Variants in CNTN5 observed in about 807,000 individuals in gnomAD.
CNTN5 encodes contactin-5.
CNTN5 carries 77 observed loss-of-function variants against 129.1 expected under a neutral mutation model. The ratio of observed to expected loss-of-function variants is 0.60; its 90% CI spans 0.50 to 0.72. The LOEUF (loss-of-function observed/expected upper bound fraction) is 0.72. CNTN5 is among the 30% of genes least tolerant of loss of function. The pLI is 0.00. For missense variants in CNTN5, 1,478 were observed against 1,328.8 expected (o/e 1.11, Z -1.75); for synonymous variants, 509 against 465.6 (o/e 1.09, Z -1.20).
intron 2 of CNTN5, among the ~76,000 whole-genome samples, chr11:99,514,894 T>C (rs758287580): frequency 5.6e-4 from 85 of 152,042 alleles, no homozygotes; most frequent in Non-Finnish European, 1.6e-4. Flanking sequence ...CTTTTGATAT[T>C]TCCTTTAAGT....
At chr11:100,108,629 A>G (rs1945538106) in intron 13 of CNTN5, among the ~76,000 whole-genome samples, 1 of 152,174 alleles carries the variant, frequency 6.6e-6, no homozygotes, top group Non-Finnish European at 1.5e-5. Context: ...TTGAGTCCCC[A>G]TTATATATGT....
intron 1 of CNTN5, among the ~76,000 whole-genome samples, chr11:99,081,562 TATC>T (rs1316723565): frequency 6.6e-6 from 1 of 152,292 alleles, no homozygotes; most frequent in South Asian, 2.1e-4. Flanking sequence ...CTCAGGATGA[TATC>T]ATATCTACTT....
chr11:100,317,264 A>C (rs188874941), intron 21 of CNTN5, among the ~76,000 whole-genome samples: 314 of 152,318 alleles, frequency 2.1e-3, no homozygotes, highest in African/African-American at 7.1e-3. Context: ...TGCTGGGCAG[A>C]TTGTATTTAC....
chr11:99,819,706 C>G lies in CNTN5; in HGVS notation c.218C>G (p.Ala73Gly), dbSNP rs1243793208. Residue 73 changes from alanine (A) to glycine (G), a missense_variant, in exon 4 of 25, where the codon GCT becomes GGT. Transcript: ENST00000524871. ...SASSPSWLGA[A>G]QNYYSPINLY... ...TCTTCACCCAGCTGGCTAGGGGCAG[C>G]TCAGAATTATTATTCCCCCATCAAT... 6.2e-7 allele frequency: 1 copy of G among 1,612,480 alleles called. No individual in the cohort carries two copies. The highest frequency in any genetic ancestry group is 8.5e-7 in the Non-Finnish European group (1 of 1,179,654).
At chr11:99,705,369 G>C (rs1295540175) in intron 3 of CNTN5, among the ~76,000 whole-genome samples, 1 of 151,240 alleles carries the variant, frequency 6.6e-6, no homozygotes, top group Non-Finnish European at 1.5e-5. Context: ...TCCATTACCA[G>C]CTGAAGACTC....
chr11:99,817,041 A>G (rs1008416577), intron 3 of CNTN5, among the ~76,000 whole-genome samples: 1 of 152,202 alleles, frequency 6.6e-6, no homozygotes, highest in African/African-American at 2.4e-5. Context: ...TTCTCTACCC[A>G]TGCGGGGAGC....
chr11:100,191,262 G>T lies in CNTN5; in HGVS notation c.1708+9G>T, dbSNP rs1948480428. On this transcript the variant is annotated intron_variant, in intron 14 of 24. Coordinates refer to ENST00000524871, the MANE Select transcript of CNTN5 (RefSeq NM_014361.4). The stretch of plus-strand genomic sequence containing the variant: ...TTCGCTATCTGTAAAAGGTAAGACA[G>T]CACGGGTAAATGTTTTACAAGCATA... 1 of 1,607,006 alleles carries T rather than the reference G, an allele frequency of 6.2e-7. No homozygotes were observed. Among genetic ancestry groups the T allele is most frequent in the African/African-American group, 1.3e-5 (1 of 74,558 alleles).
intron 3 of CNTN5, among the ~76,000 whole-genome samples, chr11:99,613,098 A>T (rs1362010569): frequency 1.4e-4 from 22 of 152,172 alleles, no homozygotes; most frequent in Non-Finnish European, 3.2e-4. Flanking sequence ...GCTCACAGGC[A>T]CCATCCATCA....
intron 2 of CNTN5, among the ~76,000 whole-genome samples, chr11:99,453,177 T>C (rs2726397): frequency 0.51 from 78,270 of 152,012 alleles, 20,608 homozygotes; most frequent in East Asian, 0.65. Flanking sequence ...ATTAGGCCCA[T>C]GTTTGATTAA....
intron 3 of CNTN5, among the ~76,000 whole-genome samples, chr11:99,655,089 A>T (rs1943223551): frequency 6.6e-6 from 1 of 152,036 alleles, no homozygotes; most frequent in African/African-American, 2.4e-5. Context: ...TGCAGATCCC[A>T]TTCCTCTGTG....
At chr11:99,115,440 T>C (rs892198866) in intron 1 of CNTN5, among the ~76,000 whole-genome samples, 8 of 152,118 alleles carry the variant, frequency 5.3e-5, no homozygotes, top group Admixed American at 2.6e-4. Context: ...AGTGTTGACA[T>C]CAAGGGGCAT....
chr11:99,884,973 T>A (rs1041990545), intron 6 of CNTN5, among the ~76,000 whole-genome samples: 1 of 151,436 alleles, frequency 6.6e-6, no homozygotes, highest in Non-Finnish European at 1.5e-5. Context: ...CGACACCCCA[T>A]CTCAAAACAA....
At chr11:99,445,567 A>G (rs181582025) in intron 2 of CNTN5, among the ~76,000 whole-genome samples, 2 of 152,132 alleles carry the variant, frequency 1.3e-5, no homozygotes, top group Non-Finnish European at 2.9e-5. Context: ...TCTTTCCCAT[A>G]TGTAAAAGAC....
At position 99,626,707 on chromosome 11, in the gene CNTN5, G is replaced by A. The variant is rs141733721; in HGVS notation, c.55+70438G>A. ...AACATGAATCGCTGACATTTTAAGGGAGACCTAGAGAGTACTACGCTGTTA... is the reference window on the plus strand; with the variant it reads ...AACATGAATCGCTGACATTTTAAGGAAGACCTAGAGAGTACTACGCTGTTA... On this transcript the variant is annotated intron_variant, in intron 3 of 24. Transcript: ENST00000524871. Among the ~76,000 whole-genome samples, 5 of 152,170 alleles carry A rather than the reference G, an allele frequency of 3.3e-5. No homozygotes were observed. The East Asian group carries it at 9.7e-4, about 29-fold the overall frequency.
intron 7 of CNTN5, among the ~76,000 whole-genome samples, chr11:99,949,098 A>AT (rs1950616047): frequency 6.6e-6 from 1 of 151,980 alleles, no homozygotes; most frequent in East Asian, 1.9e-4. Flanking sequence ...GGTTAGCTTT[A>AT]TTTTTTTCTC....
intron 6 of CNTN5, among the ~76,000 whole-genome samples, chr11:99,870,003 C>G (rs1038487318): frequency 6.6e-6 from 1 of 152,124 alleles, no homozygotes; most frequent in Non-Finnish European, 1.5e-5. Flanking sequence ...TCCCCCCTGC[C>G]ATGCCACCTA....
At chr11:99,708,488 G>A (rs540713803) in intron 3 of CNTN5, among the ~76,000 whole-genome samples, 9 of 151,698 alleles carry the variant, frequency 5.9e-5, no homozygotes, top group East Asian at 1.9e-4. Context: ...TATAAAAGTC[G>A]ACAGATGCAT....
intron 3 of CNTN5, among the ~76,000 whole-genome samples, chr11:99,782,983 C>T (rs1014889089): frequency 2.0e-5 from 3 of 151,536 alleles, no homozygotes; most frequent in Admixed American, 2.0e-4. Flanking sequence ...CAAATGGGAT[C>T]TAATTAAAGA....
rs12223402 is a variant in CNTN5, at chr11:100,333,766, C to G, written c.2731-6697C>G. On this transcript the variant is annotated intron_variant, in intron 21 of 24. Coordinates refer to ENST00000524871, the MANE Select transcript of CNTN5 (RefSeq NM_014361.4). ...ATGAAACTGGATCCTCATCTCTCACCTTATACAAAAATCAACTCAAGATGG... is the reference window on the plus strand; with the variant it reads ...ATGAAACTGGATCCTCATCTCTCACGTTATACAAAAATCAACTCAAGATGG... 0.021 allele frequency among the ~76,000 whole-genome samples: 3,184 copies of G among 152,248 alleles called. 177 individuals carry two copies. The East Asian group carries it at 0.23, about 11-fold the overall frequency.
Sources: gnomAD v4.1 joint callset for allele counts (sites outside exome capture counted in the v4.1 genomes callset) on GRCh38, gnomAD v4.1.1 for gene constraint, MANE v1.5 for transcripts, NCBI Gene and HGNC (gene_info 2026-07-23, HGNC 2026-07-21) for gene names.